The following DGLUCY variants were observed in gnomAD, a reference collection of about 807,000 sequenced individuals.
The protein encoded by DGLUCY is D-glutamate cyclase.
Under a neutral mutation model 58.5 loss-of-function variants are expected in DGLUCY, and 58 were observed. That is an observed-to-expected ratio of 0.99 (90% CI 0.80 to 1.23). The LOEUF is 1.23. Ranked by LOEUF, DGLUCY falls within the 50% of genes most tolerant of loss-of-function variation. The pLI is 0.00. For missense variants in DGLUCY, 779 were observed against 784.7 expected (o/e 0.99, Z 0.09); for synonymous variants, 325 against 314.1 (o/e 1.03, Z -0.37).
intron 1 of DGLUCY, among the ~76,000 whole-genome samples, chr14:91,069,747 T>C (rs2043883941): frequency 6.6e-6 from 1 of 151,846 alleles, no homozygotes; most frequent in African/African-American, 2.4e-5. Context: ...AGCTATTGTG[T>C]AGTTCCATTG....
Position 91,068,077 on chromosome 14 carries a change from ACG to A in DGLUCY, c.-82+7375_-82+7376del, listed in dbSNP as rs527668243. On this transcript the variant is annotated intron_variant, in intron 1 of 4. Transcript: ENST00000521334. ...GGCGCGTGCACACACACACACGCGCACGCACACACACACACACACACACACAC... is the reference window on the plus strand; with the variant it reads ...GGCGCGTGCACACACACACACGCGCACACACACACACACACACACACACAC... Among the ~76,000 whole-genome samples the A allele has an allele frequency of 2.1e-4, 18 of 84,646 alleles. No homozygotes were observed. In the Middle Eastern group the frequency reaches 0.018, roughly 83 times the overall value. 55.5% of individuals were successfully genotyped at this position (84,646 alleles called of 152,430 possible).
chr14:91,220,081 G>C (rs183218718), intron 13 of DGLUCY, among the ~76,000 whole-genome samples: 10 of 152,364 alleles, frequency 6.6e-5, no homozygotes, highest in African/African-American at 2.4e-4. Flanking sequence ...TATTTCTGTA[G>C]TTTGTGGACT....
intron 1 of DGLUCY, among the ~76,000 whole-genome samples, chr14:91,137,531 G>A (rs576687185): frequency 5.3e-5 from 8 of 151,160 alleles, no homozygotes; most frequent in Admixed American, 3.3e-4. Flanking sequence ...GACTACAGGC[G>A]TGCGCCACCA....
chr14:91,097,707 C>G (rs1402577226), intron 1 of DGLUCY, among the ~76,000 whole-genome samples: 1 of 148,556 alleles, frequency 6.7e-6, no homozygotes, highest in Admixed American at 6.7e-5. Flanking sequence ...GAGTTTCGCT[C>G]TTGTTGCCCA....
At chr14:91,156,568 A>G (rs1399386132) in intron 1 of DGLUCY, among the ~76,000 whole-genome samples, 2 of 152,228 alleles carry the variant, frequency 1.3e-5, no homozygotes, top group Non-Finnish European at 2.9e-5. Context: ...ACAAGCATAC[A>G]TGAGATATTT....
chr14:91,170,037 G>C lies in DGLUCY; in HGVS notation c.292G>C (p.Gly98Arg), dbSNP rs777967797. 6.2e-6 allele frequency: 10 copies of C among 1,612,274 alleles called. 2 individuals carry two copies. In the South Asian group the frequency reaches 9.9e-5, roughly 16 times the overall value. ...TCCCCAGTTCTGGAAATACGAGTTC[G>C]GTGCCTGCACCGGCAGCCTGGCTTC... ...GHPQFWKYEF[G>R]ACTGSLASLE... The change falls in exon 5 of 14, where the codon GGT becomes CGT. Residue 98 changes from glycine (G) to arginine (R), a missense_variant. Transcript: ENST00000256324.
upstream of DGLUCY, among the ~76,000 whole-genome samples, chr14:91,107,125 G>A (rs993123524): frequency 6.6e-6 from 1 of 152,116 alleles, no homozygotes; most frequent in Non-Finnish European, 1.5e-5. Context: ...ATGTACAAGC[G>A]AGCTAAAACA....
At chr14:91,093,404 T>C (rs1375520369) in intron 1 of DGLUCY, among the ~76,000 whole-genome samples, 1 of 152,052 alleles carries the variant, frequency 6.6e-6, no homozygotes, top group African/African-American at 2.4e-5. Context: ...AGAAGCGAAA[T>C]GTGGTAGATC....
At chr14:91,172,887 C>T (rs772818084) in intron 5 of DGLUCY, among the ~76,000 whole-genome samples, 19 of 152,132 alleles carry the variant, frequency 1.2e-4, no homozygotes, top group South Asian at 2.1e-4. Flanking sequence ...CCTCGTGATC[C>T]GCCCACCTCG....
Position 91,074,308 on chromosome 14 carries a change from A to AT in DGLUCY, c.-82+13604_-82+13605insT, listed in dbSNP as rs1303578484. Among the ~76,000 whole-genome samples the AT allele has an allele frequency of 8.3e-4, 118 of 142,278 alleles. No homozygotes were observed. The Middle Eastern group carries it at 0.011, about 13-fold the overall frequency. 93.3% of individuals were successfully genotyped at this position (142,278 alleles called of 152,430 possible). On this transcript the variant is annotated intron_variant, in intron 1 of 4. Transcript: ENST00000521334. ...ATACCCTGTCTCAAAAAAAAAAAAA[A>AT]AAAAATATATATATATATATATAAA...
chr14:91,062,616 A>G (rs1299205363), intron 1 of DGLUCY, among the ~76,000 whole-genome samples: 4 of 99,480 alleles, frequency 4.0e-5, no homozygotes, highest in Non-Finnish European at 7.9e-5. Flanking sequence ...TATATAAACA[A>G]TCCTTAGCTC....
chr14:91,202,418 ACTC>A (rs1222511224), intron 11 of DGLUCY, among the ~76,000 whole-genome samples: 25 of 152,154 alleles, frequency 1.6e-4, no homozygotes, highest in African/African-American at 5.8e-4. Context: ...TGTTTCCCAG[ACTC>A]ATTAGTCTCC....
chr14:91,060,354 A>G (rs750709594), exon 1 of DGLUCY: 14 of 1,469,876 alleles, frequency 9.5e-6, no homozygotes, highest in African/African-American at 2.9e-5. Flanking sequence ...CGTGCTTGAC[A>G]GTGAGGAGCT....
intron 7 of DGLUCY, among the ~76,000 whole-genome samples, chr14:91,178,609 A>G (rs577958357): frequency 6.6e-6 from 1 of 152,350 alleles, no homozygotes; most frequent in African/African-American, 2.4e-5. Flanking sequence ...GGTGCCATCC[A>G]AAACACAGAC....
intron 1 of DGLUCY, among the ~76,000 whole-genome samples, chr14:91,102,250 A>G (rs553061912): frequency 2.0e-5 from 3 of 152,330 alleles, no homozygotes; most frequent in East Asian, 1.9e-4. Context: ...TCAGGCTCCA[A>G]TGAAGTGATC....
intron 1 of DGLUCY, among the ~76,000 whole-genome samples, chr14:91,075,638 G>T (rs539472677): frequency 6.6e-6 from 1 of 152,298 alleles, no homozygotes; most frequent in African/African-American, 2.4e-5. Context: ...TGTGGGAAAG[G>T]ACAAGAGGAA....
chr14:91,085,390 C>T (rs1052093193), intron 1 of DGLUCY, among the ~76,000 whole-genome samples: 3 of 151,990 alleles, frequency 2.0e-5, no homozygotes, highest in Non-Finnish European at 2.9e-5. Flanking sequence ...CTGGGCTGTG[C>T]CACGTTCTCC....
intron 7 of DGLUCY, among the ~76,000 whole-genome samples, chr14:91,179,443 T>C: frequency 6.6e-6 from 1 of 150,562 alleles, no homozygotes; most frequent in East Asian, 2.0e-4. Flanking sequence ...AGCAAGGCCT[T>C]ATCTCTTTAA....
chr14:91,142,840 A>ACACACACAC (rs2046785072), intron 1 of DGLUCY, among the ~76,000 whole-genome samples: 2 of 124,226 alleles, frequency 1.6e-5, no homozygotes, highest in African/African-American at 6.1e-5. Flanking sequence ...ATCTCTACTA[A>ACACACACAC]ACACACACAC....
Sources: allele counts gnomAD v4.1 joint callset (sites outside exome capture counted in the v4.1 genomes callset), GRCh38; gene constraint gnomAD v4.1.1; transcripts MANE v1.5; gene names NCBI Gene and HGNC (gene_info 2026-07-23, HGNC 2026-07-21).